Variants in SEMA5B observed in about 807,000 individuals in gnomAD.
SEMA5B encodes semaphorin-5B.
SEMA5B carries 66 observed loss-of-function variants against 135.0 expected under a neutral mutation model. That is an observed-to-expected ratio of 0.49 (90% CI 0.40 to 0.60). SEMA5B has a LOEUF of 0.60. SEMA5B is among the 20% of genes least tolerant of loss of function. The probability of loss-of-function intolerance (pLI) is 0.00; values close to 1 mark genes in which losing one functional copy is unlikely to be tolerated. For missense variants in SEMA5B, 1,501 were observed against 1,566.3 expected (o/e 0.96, Z 0.70); for synonymous variants, 690 against 639.5 (o/e 1.08, Z -1.19).
rs1938375567 is a variant in SEMA5B, at chr3:122,922,026, T to C, written c.1577A>G (p.Glu526Gly). The change falls in exon 12 of 23, where the codon GAG becomes GGG. Residue 526 changes from glutamate to glycine, a missense_variant. Glu to Gly is a moderately conservative substitution (Grantham distance 98). This residue lies in a region of SEMA5B where 927 missense variants were observed against 881.6 expected (regional missense o/e 1.05). Transcript: ENST00000357599. Reference protein sequence around the residue: ...ELHVLPPGRREPLRSLRILHS... With the variant: ...ELHVLPPGRRGPLRSLRILHS... Reference sequence around the variant, plus strand: ...CAGGATGCGCAGGCTGCGCAGGGGCTCGCGGCGCCCGGGGGGCAGCACGTG... The same window carrying C: ...CAGGATGCGCAGGCTGCGCAGGGGCCCGCGGCGCCCGGGGGGCAGCACGTG... The C allele has an allele frequency of 6.6e-7, 1 of 1,505,772 alleles. No individual in the cohort carries two copies. The highest frequency in any genetic ancestry group is 8.8e-7 in the Non-Finnish European group (1 of 1,130,370). 93.3% of individuals were successfully genotyped at this position (1,505,772 alleles called of 1,614,324 possible). A position where few individuals can be genotyped will look rare whatever the true frequency, so the allele number is the denominator to read the frequency against.
intron 1 of SEMA5B, among the ~76,000 whole-genome samples, chr3:123,022,620 C>T (rs1040280319): frequency 2.6e-5 from 4 of 152,232 alleles, no homozygotes; most frequent in African/African-American, 9.6e-5. Flanking sequence ...GAGGTCCCTC[C>T]TTCTGCTTTC....
At chr3:122,949,124 A>G (rs1418846090) in intron 2 of SEMA5B, among the ~76,000 whole-genome samples, 1 of 152,246 alleles carries the variant, frequency 6.6e-6, no homozygotes, top group Admixed American at 6.5e-5. Flanking sequence ...TGTTAAGGAT[A>G]ACAATCATAA....
At chr3:122,958,074 G>A (rs1940413450) in intron 2 of SEMA5B, 1 of 152,252 alleles carries the variant, frequency 6.6e-6, no homozygotes, top group African/African-American at 2.4e-5. Flanking sequence ...AAATTCTAGA[G>A]GTTCCAGATG....
intron 1 of SEMA5B, among the ~76,000 whole-genome samples, chr3:123,012,190 T>C (rs1310079495): frequency 6.6e-6 from 1 of 152,196 alleles, no homozygotes; most frequent in Non-Finnish European, 1.5e-5. Flanking sequence ...CAGAGGCCTT[T>C]ATGAGGACTT....
intron 1 of SEMA5B, among the ~76,000 whole-genome samples, chr3:122,969,690 G>A (rs1305450877): frequency 6.6e-6 from 1 of 152,150 alleles, no homozygotes; most frequent in Non-Finnish European, 1.5e-5. Context: ...TCACTGCTGC[G>A]GGTGTTGAAG....
At chr3:122,912,132 T>C in intron 19 of SEMA5B, 40 bp downstream of exon 19, 1 of 1,583,124 alleles carries the variant, frequency 6.3e-7, no homozygotes, top group Non-Finnish European at 8.6e-7. Flanking sequence ...ATCAGAGGGC[T>C]CCATGTCGCT....
intron 22 of SEMA5B, 88 bp from the exon 23 acceptor site, chr3:122,910,389 C>G: frequency 7.3e-7 from 1 of 1,376,930 alleles, no homozygotes; most frequent in South Asian, 1.3e-5. Flanking sequence ...AGAAGCCAGC[C>G]GTGCAAGAAC....
intron 1 of SEMA5B, among the ~76,000 whole-genome samples, chr3:122,979,411 A>G (rs571643704): frequency 9.8e-5 from 15 of 152,328 alleles, no homozygotes; most frequent in African/African-American, 3.6e-4. Flanking sequence ...TCCCGGATTT[A>G]GCTTGTGCCA....
intron 1 of SEMA5B, among the ~76,000 whole-genome samples, chr3:123,002,994 T>C (rs1209875946): frequency 6.6e-6 from 1 of 152,138 alleles, no homozygotes; most frequent in Non-Finnish European, 1.5e-5. Context: ...CATATGTCTA[T>C]CATCCCAGTG....
chr3:122,969,317 A>G (rs1941013576), intron 1 of SEMA5B, among the ~76,000 whole-genome samples: 1 of 152,164 alleles, frequency 6.6e-6, no homozygotes, highest in African/African-American at 2.4e-5. Flanking sequence ...CTTTGGAGAC[A>G]GATTCACCAG....
chr3:123,002,660 C>T (rs1449526887), intron 1 of SEMA5B, among the ~76,000 whole-genome samples: 2 of 152,180 alleles, frequency 1.3e-5, no homozygotes, highest in Non-Finnish European at 2.9e-5. Context: ...CTTGAAGCCC[C>T]GACCTGCAGA....
intron 12 of SEMA5B, among the ~76,000 whole-genome samples, chr3:122,921,354 C>T (rs184347343): frequency 2.6e-3 from 399 of 152,304 alleles, no homozygotes; most frequent in Middle Eastern, 6.8e-3. Context: ...CTTGAAGCTA[C>T]GGCATGAAGA....
At chr3:122,916,056 A>G (rs563575458) in intron 12 of SEMA5B, among the ~76,000 whole-genome samples, 166 bp from the exon 13 acceptor site, 1 of 152,320 alleles carries the variant, frequency 6.6e-6, no homozygotes, top group Admixed American at 6.5e-5. Context: ...GCATCATTTT[A>G]AGCACTTTAT....
At chr3:122,925,155 G>T (rs533162348) in intron 9 of SEMA5B, among the ~76,000 whole-genome samples, 1 of 151,860 alleles carries the variant, frequency 6.6e-6, no homozygotes, top group South Asian at 2.1e-4. Context: ...CTGCTATCTG[G>T]GGCCCAAAGT....
chr3:122,965,761 C>A (rs544274304), intron 1 of SEMA5B, among the ~76,000 whole-genome samples: 1 of 152,320 alleles, frequency 6.6e-6, no homozygotes, highest in African/African-American at 2.4e-5. Flanking sequence ...AGTAAGTAAC[C>A]ACTTATTTAA....
intron 1 of SEMA5B, among the ~76,000 whole-genome samples, chr3:123,000,423 G>C (rs1268836672): frequency 6.6e-6 from 1 of 152,150 alleles, no homozygotes; most frequent in Non-Finnish European, 1.5e-5. Context: ...TCAACCTGAG[G>C]CCAAAGGGGT....
chr3:122,948,838 AGTTT>A, intron 2 of SEMA5B, 129 bp from the exon 3 acceptor site: 1 of 744,816 alleles, frequency 1.3e-6, no homozygotes, highest in Non-Finnish European at 2.1e-6. Flanking sequence ...TGTTACTCAG[AGTTT>A]GCTCTGCTCT....
chr3:123,019,912 G>T (rs1022289615), intron 1 of SEMA5B, among the ~76,000 whole-genome samples: 3 of 152,210 alleles, frequency 2.0e-5, no homozygotes, highest in African/African-American at 7.2e-5. Context: ...TAGGTCAAGG[G>T]ATTCTGACCT....
intron 1 of SEMA5B, among the ~76,000 whole-genome samples, chr3:123,004,331 G>T (rs1942252188): frequency 6.6e-6 from 1 of 152,168 alleles, no homozygotes; most frequent in Admixed American, 6.5e-5. Flanking sequence ...GGCACAGCTG[G>T]AAAAAGGAAA....
Sources: gnomAD v4.1 joint callset for allele counts (sites outside exome capture counted in the v4.1 genomes callset) on GRCh38, gnomAD v4.1.1 for gene constraint, gnomAD v4.1.1 regional missense constraint, MANE v1.5 for transcripts, NCBI Gene and HGNC (gene_info 2026-07-23, HGNC 2026-07-21) for gene names.